Variants in NCKAP5 observed in about 807,000 individuals in gnomAD.
NCKAP5 encodes nck-associated protein 5.
A neutral mutation model predicts 167.0 loss-of-function variants in NCKAP5; 92 were observed. The ratio of observed to expected loss-of-function variants is 0.55; its 90% CI spans 0.47 to 0.66. The LOEUF (loss-of-function observed/expected upper bound fraction) is 0.66, where lower values mean the gene tolerates loss of function less well. NCKAP5 is among the 30% of genes least tolerant of loss of function. The probability of loss-of-function intolerance (pLI) is 0.00; values close to 1 mark genes in which losing one functional copy is unlikely to be tolerated. For synonymous variants in NCKAP5, 891 were observed against 877.4 expected, an observed-to-expected ratio of 1.02 and a Z score of -0.27; for missense variants, 2,378 against 2,315.0, an observed-to-expected ratio of 1.03 and a Z score of -0.56.
chr2:133,021,012 G>T (rs923365113), intron 6 of NCKAP5, among the ~76,000 whole-genome samples: 1 of 152,170 alleles, frequency 6.6e-6, no homozygotes, highest in Non-Finnish European at 1.5e-5. Flanking sequence ...CTCCCTCTCT[G>T]CCCGGGAACA....
chr2:133,298,684 T>A (rs1426772640), intron 4 of NCKAP5, among the ~76,000 whole-genome samples: 1 of 152,196 alleles, frequency 6.6e-6, no homozygotes, highest in Non-Finnish European at 1.5e-5. Flanking sequence ...GCATTCATTA[T>A]TTTTTGTAAA....
intron 3 of NCKAP5, among the ~76,000 whole-genome samples, chr2:133,441,165 T>C (rs1690833409): frequency 6.6e-6 from 1 of 152,100 alleles, no homozygotes. Context: ...TTCCTTCCTC[T>C]GTCACCCTCA....
At chr2:132,683,666 T>C (rs1422249638) in intron 19 of NCKAP5, among the ~76,000 whole-genome samples, 1 of 152,234 alleles carries the variant, frequency 6.6e-6, no homozygotes, top group African/African-American at 2.4e-5. Context: ...ATAGATGGTA[T>C]AGACATTGTA....
chr2:133,162,522 T>C, intron 5 of NCKAP5, among the ~76,000 whole-genome samples: 1 of 152,186 alleles, frequency 6.6e-6, no homozygotes, highest in East Asian at 1.9e-4. Flanking sequence ...TATAGAGTGT[T>C]ACTATGAGAG....
At chr2:133,668,575 G>A in the NCKAP5 span, among the ~76,000 whole-genome samples, 9 of 151,706 alleles carry the variant, frequency 5.9e-5, no homozygotes, top group South Asian at 2.1e-4. Flanking sequence ...CTAGCCATTC[G>A]CATATCTTCT....
chr2:133,464,224 G>T (rs1334656390), intron 3 of NCKAP5, among the ~76,000 whole-genome samples: 1 of 152,152 alleles, frequency 6.6e-6, no homozygotes, highest in Non-Finnish European at 1.5e-5. Context: ...AAGATAATCT[G>T]TACACATGAG....
intron 12 of NCKAP5, among the ~76,000 whole-genome samples, chr2:132,792,287 C>G (rs1490214261): frequency 6.6e-6 from 1 of 152,168 alleles, no homozygotes; most frequent in Non-Finnish European, 1.5e-5. Flanking sequence ...AAAGGAGAAA[C>G]TTGTCTTAAA....
the NCKAP5 span, among the ~76,000 whole-genome samples, chr2:133,586,187 T>C: frequency 6.6e-6 from 1 of 152,196 alleles, no homozygotes; most frequent in East Asian, 1.9e-4. Context: ...TACTTAAGTA[T>C]TAATGACCAA....
intron 6 of NCKAP5, among the ~76,000 whole-genome samples, chr2:133,092,918 T>C (rs2081233946): frequency 6.6e-6 from 1 of 152,216 alleles, no homozygotes; most frequent in Non-Finnish European, 1.5e-5. Flanking sequence ...ACCAGTATAA[T>C]CTGAGCAAGG....
At chr2:133,470,573 A>G (rs1679139505) in intron 3 of NCKAP5, among the ~76,000 whole-genome samples, 1 of 152,176 alleles carries the variant, frequency 6.6e-6, no homozygotes, top group Non-Finnish European at 1.5e-5. Flanking sequence ...TGTTTACCTA[A>G]TCAAGGCTGG....
At chr2:132,940,969 T>C (rs1697253553) in intron 8 of NCKAP5, among the ~76,000 whole-genome samples, 1 of 152,104 alleles carries the variant, frequency 6.6e-6, no homozygotes, top group Admixed American at 6.6e-5. Context: ...CACATATTAA[T>C]TAAAATTTTA....
chr2:133,637,176 C>T, the NCKAP5 span, among the ~76,000 whole-genome samples: 1 of 151,778 alleles, frequency 6.6e-6, no homozygotes, highest in African/African-American at 2.4e-5. Context: ...CGCACTTCTC[C>T]TACCACCAAT....
intron 2 of NCKAP5, among the ~76,000 whole-genome samples, chr2:133,530,399 G>A (rs72992306): frequency 0.085 from 12,880 of 152,140 alleles, 901 homozygotes; most frequent in African/African-American, 0.19. Context: ...GGCCATTTGT[G>A]TTCATTTTTG....
chr2:132,940,539 A>G (rs1697217088), intron 8 of NCKAP5, among the ~76,000 whole-genome samples: 1 of 151,912 alleles, frequency 6.6e-6, no homozygotes, highest in Non-Finnish European at 1.5e-5. Flanking sequence ...GAAACTGAAT[A>G]ACAGTAAAAA....
intron 3 of NCKAP5, among the ~76,000 whole-genome samples, chr2:133,395,748 C>T (rs188642897): frequency 1.4e-4 from 21 of 152,138 alleles, no homozygotes; most frequent in East Asian, 5.8e-4. Context: ...TGGGCTCAAG[C>T]GATTCTCCTG....
chr2:133,530,107 G>A (rs1178624857), intron 2 of NCKAP5, among the ~76,000 whole-genome samples: 1 of 152,048 alleles, frequency 6.6e-6, no homozygotes, highest in Non-Finnish European at 1.5e-5. Context: ...ATTTTGTCTT[G>A]TAAACCTACG....
chr2:133,290,366 G>A (rs1295082921), intron 4 of NCKAP5, among the ~76,000 whole-genome samples: 3 of 152,076 alleles, frequency 2.0e-5, no homozygotes, highest in African/African-American at 7.2e-5. Context: ...TGCTTCTACT[G>A]ATAAGGTTGT....
At chr2:133,028,461 T>C (rs1034798515) in intron 6 of NCKAP5, among the ~76,000 whole-genome samples, 7 of 152,182 alleles carry the variant, frequency 4.6e-5, no homozygotes, top group Admixed American at 4.6e-4. Flanking sequence ...CCACTGTTAT[T>C]GCCATAGGTA....
chr2:133,647,566 A>T, the NCKAP5 span, among the ~76,000 whole-genome samples: 1 of 140,972 alleles, frequency 7.1e-6, no homozygotes, highest in Admixed American at 7.0e-5. Context: ...GGAGGGAAGA[A>T]GGAAGAAAGG....
Sources: allele counts gnomAD v4.1 joint callset (sites outside exome capture counted in the v4.1 genomes callset), GRCh38; gene constraint gnomAD v4.1.1; transcripts MANE v1.5; gene names NCBI Gene and HGNC (gene_info 2026-07-23, HGNC 2026-07-21).